Variants in ALKAL2 observed in about 807,000 individuals in gnomAD.
ALKAL2 encodes the protein AUG-alpha.
A neutral mutation model predicts 18.5 loss-of-function variants in ALKAL2; 8 were observed. The ratio of observed to expected loss-of-function variants is 0.43; its 90% confidence interval spans 0.25 to 0.78. The LOEUF is 0.78. ALKAL2 is among the 30% of genes least tolerant of loss of function. The pLI is 0.22. For synonymous variants in ALKAL2, 135 were observed against 95.8 expected (o/e 1.41, Z -2.39); for missense variants, 241 against 211.2 (o/e 1.14, Z -0.88).
At chr2:282,693 C>G (rs1670392700) in intron 5 of ALKAL2, among the ~76,000 whole-genome samples, 1 of 151,986 alleles carries the variant, frequency 6.6e-6, no homozygotes, top group Non-Finnish European at 1.5e-5. Flanking sequence ...GAGCTTATGA[C>G]TACAACTCAA....
intron 5 of ALKAL2, 94 bp downstream of exon 5, chr2:283,017 G>T (rs1490110654): frequency 1.0e-5 from 13 of 1,302,744 alleles, no homozygotes; most frequent in African/African-American, 4.5e-5. Context: ...TTCAGCCAAA[G>T]AATGAGTGTT....
In ALKAL2 at chr2:279,875, T is replaced by TA; in HGVS notation, c.*271_*272insT. ...CTAATGAAGACAATGAAATATTCTG[T>TA]GTTTTATAGCACTACACGTCAAATG... On this transcript the variant is annotated 3_prime_UTR_variant, in exon 6 of 6. Coordinates refer to ENST00000403610, the MANE Select transcript of ALKAL2 (RefSeq NM_001002919.3). The TA allele has an allele frequency of 2.4e-6, 1 of 414,134 alleles. No homozygotes were observed. 25.7% of individuals were successfully genotyped at this position (414,134 alleles called of 1,614,324 possible). A position where few individuals can be genotyped will look rare whatever the true frequency, so the allele number is the denominator to read the frequency against.
At chr2:283,365 G>C in intron 4 of ALKAL2, 190 bp from the exon 5 acceptor site, 3 of 985,418 alleles carry the variant, frequency 3.0e-6, no homozygotes, top group Non-Finnish European at 3.6e-6. Flanking sequence ...TGCTTCAAGG[G>C]CTTGAGCTTC....
chr2:283,368 T>C, intron 4 of ALKAL2, 193 bp from the exon 5 acceptor site: 1 of 985,448 alleles, frequency 1.0e-6, no homozygotes, highest in Non-Finnish European at 1.2e-6. Flanking sequence ...TTCAAGGGCT[T>C]GAGCTTCAAT....
chr2:282,797 G>A (rs150105087), intron 5 of ALKAL2, among the ~76,000 whole-genome samples: 14 of 152,308 alleles, frequency 9.2e-5, no homozygotes, highest in African/African-American at 2.6e-4. Flanking sequence ...CGAAGTAAAC[G>A]GACAATTTTA....
At chr2:284,718 A>ATCT (rs1250714458) in intron 4 of ALKAL2, among the ~76,000 whole-genome samples, 4 of 152,238 alleles carry the variant, frequency 2.6e-5, no homozygotes, top group African/African-American at 9.6e-5. Context: ...CTTTGCTGAT[A>ATCT]TCTGACAGCA....
chr2:283,206 G>A (rs1366662163), intron 4 of ALKAL2, 31 bp from the exon 5 acceptor site: 1 of 1,575,332 alleles, frequency 6.3e-7, no homozygotes, highest in Non-Finnish European at 8.6e-7. Context: ...ACTCTTGTCA[G>A]TTACTTAAAA....
chr2:286,013 A>C, intron 4 of ALKAL2, 110 bp downstream of exon 4: 2 of 882,416 alleles, frequency 2.3e-6, no homozygotes, highest in Non-Finnish European at 3.6e-6. Flanking sequence ...TGAGGAAGGA[A>C]TAGGCAAATT....
rs1670279734 is a variant in ALKAL2, at chr2:279,884, G to A, written c.*263C>T. On this transcript the variant is annotated 3_prime_UTR_variant, in exon 6 of 6. Transcript: ENST00000403610. ...ACAATGAAATATTCTGTGTTTTATA[G>A]CACTACACGTCAAATGTGGAGCATT... The A allele has an allele frequency of 2.2e-6, 1 of 455,504 alleles. No individual in the cohort carries two copies. Among genetic ancestry groups the A allele is most frequent in the Admixed American group, 3.6e-5 (1 of 27,828 alleles). The allele number at this position is 455,504 out of a possible 1,614,324, so 28.2% of individuals were successfully genotyped here.
intron 5 of ALKAL2, among the ~76,000 whole-genome samples, chr2:282,299 C>T (rs1372260423): frequency 6.6e-6 from 1 of 152,200 alleles, no homozygotes; most frequent in Admixed American, 6.5e-5. Flanking sequence ...CTAGAGTAAC[C>T]ACTATAAAAA....
chr2:282,886 G>T (rs1269457578), intron 5 of ALKAL2, among the ~76,000 whole-genome samples: 1 of 152,216 alleles, frequency 6.6e-6, no homozygotes, highest in African/African-American at 2.4e-5. Context: ...CCCACTTAGT[G>T]CCCGTGTGCC....
At chr2:283,797 G>T (rs1400332617) in intron 4 of ALKAL2, among the ~76,000 whole-genome samples, 2 of 152,162 alleles carry the variant, frequency 1.3e-5, no homozygotes, top group Non-Finnish European at 2.9e-5. Context: ...TGTCCTCTGG[G>T]TGAAGATCTA....
Position 283,127 on chromosome 2 carries a change from A to G in ALKAL2, c.437T>C (p.Val146Ala), listed in dbSNP as rs774328876. ...CAAGCTTACCTTATCCTCCATGCAC[A>G]CTGGACTGACAGCCAGCCGGGTAAG... is the stretch of plus-strand genomic sequence containing the variant. ...RLLTRLAVSP[V>A]CMEDKQ The change falls in exon 5 of 6, where the codon GTG becomes GCG. Residue 146 changes from valine to alanine, a missense_variant. Transcript: ENST00000403610. The G allele has an allele frequency of 6.2e-7, 1 of 1,612,760 alleles. No homozygotes were observed. Among genetic ancestry groups the G allele is most frequent in the East Asian group, 2.2e-5 (1 of 44,868 alleles).
chr2:281,965 C>A lies in ALKAL2; in HGVS notation c.453+1146G>T, dbSNP rs959542050. On this transcript the variant is annotated intron_variant, in intron 5 of 5. Transcript: ENST00000403610. The stretch of plus-strand genomic sequence containing the variant: ...GGGGAGACATTACTACACAGCACTT[C>A]CCAGCTTTGACTGACATTGACACCT... 2.0e-5 allele frequency among the ~76,000 whole-genome samples: 3 copies of A among 152,264 alleles called. No homozygotes were observed. The South Asian group carries it at 6.2e-4, about 32-fold the overall frequency.
At position 287,743 on chromosome 2, in the gene ALKAL2, C is replaced by T; in HGVS notation, c.93G>A (p.Pro31=). Residue 31 remains proline (P), a synonymous_variant, in exon 2 of 6, where the codon CCG becomes CCA. Coordinates refer to ENST00000403610, the MANE Select transcript of ALKAL2 (RefSeq NM_001002919.3). ...RGRGGAEPRE[P]ADGQALLRLV... ...GCCGCAGCAGCGCCTGTCCGTCCGC[C>T]GGCTCCCGGGGCTCCGCGCCCCCCC... The T allele has an allele frequency of 3.4e-6, 5 of 1,458,100 alleles. No individual in the cohort carries two copies. The highest frequency in any genetic ancestry group is 1.3e-5 in the South Asian group (1 of 75,166). The allele number at this position is 1,458,100 out of a possible 1,614,324, so 90.3% of individuals were successfully genotyped here. A position where few individuals can be genotyped will look rare whatever the true frequency, so the allele number is the denominator to read the frequency against.
In ALKAL2 at chr2:288,020, G is replaced by A. The variant is rs1175274864; in HGVS notation, c.-65C>T. The A allele has an allele frequency of 8.2e-5, 100 of 1,224,732 alleles. No homozygotes were observed. The highest frequency in any genetic ancestry group is 9.9e-5 in the Non-Finnish European group (98 of 985,060). The allele number at this position is 1,224,732 out of a possible 1,614,324, so 75.9% of individuals were successfully genotyped here. ...CTGGACCCGGCCCCTCACCTCCGCG[G>A]ACCCCGAGGAACAAGCCGGCAGGTG... is the stretch of plus-strand genomic sequence containing the variant. On this transcript the variant is annotated 5_prime_UTR_variant, in exon 1 of 6. Coordinates refer to ENST00000403610, the MANE Select transcript of ALKAL2 (RefSeq NM_001002919.3).
intron 2 of ALKAL2, 189 bp downstream of exon 2, chr2:287,394 G>A: frequency 2.3e-6 from 1 of 440,560 alleles, no homozygotes. Flanking sequence ...AGGAGACCAG[G>A]CGCTTCTCCG....
chr2:286,067 G>A (rs1193514047), intron 4 of ALKAL2, 56 bp downstream of exon 4: 6 of 1,478,384 alleles, frequency 4.1e-6, no homozygotes, highest in East Asian at 2.3e-5. Flanking sequence ...TGGAAAGAGG[G>A]GAACCGCTGC....
chr2:283,536 T>C (rs1670418073), intron 4 of ALKAL2: 1 of 985,436 alleles, frequency 1.0e-6, no homozygotes, highest in African/African-American at 1.7e-5. Context: ...TTTCAGGTCA[T>C]GTGCAGGCTG....
Sources: allele counts gnomAD v4.1 joint callset (sites outside exome capture counted in the v4.1 genomes callset), GRCh38; gene constraint gnomAD v4.1.1; transcripts MANE v1.5; gene names NCBI Gene and HGNC (gene_info 2026-07-23, HGNC 2026-07-21).